PGCKA1: variants seen among roughly 807,000 people sequenced by gnomAD.
The protein encoded by PGCKA1 is PDCD10 and GCKIII kinases associated 1.
the PGCKA1 span, among the ~76,000 whole-genome samples, chr4:37,531,764 T>G: frequency 6.6e-6 from 1 of 150,502 alleles, no homozygotes; most frequent in Non-Finnish European, 1.5e-5. Flanking sequence ...TGGTGGTGGG[T>G]GCCTGTAATC....
chr4:37,549,172 G>A, the PGCKA1 span, among the ~76,000 whole-genome samples: 5 of 152,226 alleles, frequency 3.3e-5, no homozygotes, highest in Non-Finnish European at 7.3e-5. Flanking sequence ...GATGCGATGA[G>A]CTTAAGAATT....
chr4:37,565,869 G>A, the PGCKA1 span, among the ~76,000 whole-genome samples: 7 of 152,142 alleles, frequency 4.6e-5, no homozygotes, highest in African/African-American at 1.7e-4. Context: ...CCCTTAATCT[G>A]GGTAGGCACC....
the PGCKA1 span, among the ~76,000 whole-genome samples, chr4:37,477,376 C>T: frequency 1.3e-5 from 2 of 152,012 alleles, no homozygotes; most frequent in Admixed American, 1.3e-4. Context: ...TTGGTGATTG[C>T]CTAAGGCTGG....
the PGCKA1 span, among the ~76,000 whole-genome samples, chr4:37,476,756 G>T: frequency 6.6e-6 from 1 of 152,124 alleles, no homozygotes; most frequent in Non-Finnish European, 1.5e-5. Context: ...TATGAGTTCT[G>T]TATTAAAAAT....
At chr4:37,514,906 A>G in the PGCKA1 span, among the ~76,000 whole-genome samples, 29 of 152,340 alleles carry the variant, frequency 1.9e-4, no homozygotes, top group Admixed American at 1.8e-3. Context: ...GGTCCTCTCC[A>G]TGGACTTCTT....
At chr4:37,576,047 T>G in the PGCKA1 span, among the ~76,000 whole-genome samples, 1 of 152,148 alleles carries the variant, frequency 6.6e-6, no homozygotes, top group African/African-American at 2.4e-5. Context: ...CCATTTTGTT[T>G]TTTTCGCTCA....
the PGCKA1 span, among the ~76,000 whole-genome samples, chr4:37,453,578 T>G: frequency 1.3e-5 from 2 of 152,132 alleles, no homozygotes; most frequent in African/African-American, 4.8e-5. Flanking sequence ...CGGGTGCATT[T>G]GTTTTGTGTA....
At chr4:37,456,221 G>A in the PGCKA1 span, among the ~76,000 whole-genome samples, 1 of 152,166 alleles carries the variant, frequency 6.6e-6, no homozygotes, top group South Asian at 2.1e-4. Context: ...TCTTTCTCGA[G>A]TGCCTGCTCT....
At chr4:37,536,258 A>G in the PGCKA1 span, among the ~76,000 whole-genome samples, 1 of 152,234 alleles carries the variant, frequency 6.6e-6, no homozygotes, top group African/African-American at 2.4e-5. Context: ...ACTTTGACCC[A>G]GAAGGTAGAA....
the PGCKA1 span, among the ~76,000 whole-genome samples, chr4:37,554,438 C>G: frequency 4.0e-4 from 61 of 152,252 alleles, no homozygotes; most frequent in African/African-American, 1.4e-3. Context: ...CACCCTCCGC[C>G]TCCAGGTTCA....
At chr4:37,546,235 C>G in the PGCKA1 span, among the ~76,000 whole-genome samples, 1 of 152,144 alleles carries the variant, frequency 6.6e-6, no homozygotes, top group South Asian at 2.1e-4. Context: ...TTGTTTTATA[C>G]TCAGTACCTG....
chr4:37,590,337 T>G, the PGCKA1 span: 1 of 1,613,726 alleles, frequency 6.2e-7, no homozygotes, highest in African/African-American at 1.3e-5. Flanking sequence ...GGGAACACCA[T>G]GCCTGCGGTG....
the PGCKA1 span, among the ~76,000 whole-genome samples, chr4:37,490,683 T>C: frequency 1.3e-5 from 2 of 152,166 alleles, no homozygotes; most frequent in Non-Finnish European, 2.9e-5. Flanking sequence ...CCTCCTTTGT[T>C]TCTCTAAAAA....
the PGCKA1 span, among the ~76,000 whole-genome samples, chr4:37,549,756 C>T: frequency 0.19 from 29,497 of 151,894 alleles, 3,236 homozygotes; most frequent in East Asian, 0.44. Flanking sequence ...GCCCAACCTC[C>T]GAGACTACCC....
the PGCKA1 span, among the ~76,000 whole-genome samples, chr4:37,573,110 T>C: frequency 6.6e-6 from 1 of 152,246 alleles, no homozygotes; most frequent in Non-Finnish European, 1.5e-5. Flanking sequence ...GTATTTCCCT[T>C]CTCTGCTTTC....
chr4:37,458,984 A>C, the PGCKA1 span, among the ~76,000 whole-genome samples: 2 of 152,198 alleles, frequency 1.3e-5, no homozygotes, highest in African/African-American at 4.8e-5. Flanking sequence ...AGTCTGGATT[A>C]GGCAGGACAG....
the PGCKA1 span, among the ~76,000 whole-genome samples, chr4:37,480,109 A>C: frequency 6.6e-6 from 1 of 152,248 alleles, no homozygotes; most frequent in Non-Finnish European, 1.5e-5. Flanking sequence ...GTGCATTAGA[A>C]ATGAAAAGAG....
At chr4:37,511,743 C>T in the PGCKA1 span, among the ~76,000 whole-genome samples, 1 of 152,338 alleles carries the variant, frequency 6.6e-6, no homozygotes, top group African/African-American at 2.4e-5. Context: ...CCCAAGTCCA[C>T]TGGCTCAGAG....
At chr4:37,584,893 G>A in the PGCKA1 span, among the ~76,000 whole-genome samples, 1 of 151,662 alleles carries the variant, frequency 6.6e-6, no homozygotes, top group South Asian at 2.1e-4. Context: ...AAGTTGACCT[G>A]AGATGTTTCA....
Sources: allele counts gnomAD v4.1 joint callset (sites outside exome capture counted in the v4.1 genomes callset), GRCh38; gene constraint gnomAD v4.1.1; transcripts MANE v1.5; gene names NCBI Gene and HGNC (gene_info 2026-07-23, HGNC 2026-07-21).